SIPA1L3: variants seen among roughly 807,000 people sequenced by gnomAD.
The protein encoded by SIPA1L3 is signal induced proliferation associated 1 like 3.
A neutral mutation model predicts 150.1 loss-of-function variants in SIPA1L3; 59 were observed. The ratio of observed to expected loss-of-function variants is 0.39; its 90% CI spans 0.32 to 0.49. SIPA1L3 has a LOEUF of 0.49. Ranked by LOEUF, SIPA1L3 falls within the 20% of genes least tolerant of loss-of-function variation. SIPA1L3 has a pLI of 0.86. For synonymous variants in SIPA1L3, 1,070 were observed against 1,077.6 expected, an observed-to-expected ratio of 0.99 and a Z score of 0.14; for missense variants, 2,211 against 2,489.5, an observed-to-expected ratio of 0.89 and a Z score of 2.38.
intron 1 of SIPA1L3, among the ~76,000 whole-genome samples, chr19:37,956,357 T>C (rs567470896): frequency 6.6e-6 from 1 of 152,360 alleles, no homozygotes; most frequent in East Asian, 1.9e-4. Flanking sequence ...CTTAATCTTG[T>C]TATTTCATTG....
intron 15 of SIPA1L3, among the ~76,000 whole-genome samples, chr19:38,175,774 G>A (rs1043835759): frequency 2.6e-5 from 4 of 152,210 alleles, no homozygotes; most frequent in African/African-American, 7.2e-5. Flanking sequence ...TAGACCCCAC[G>A]CAAGTTGGCC....
At chr19:38,032,390 G>T (rs183111284) in intron 2 of SIPA1L3, among the ~76,000 whole-genome samples, 1 of 152,102 alleles carries the variant, frequency 6.6e-6, no homozygotes, top group Non-Finnish European at 1.5e-5. Flanking sequence ...AACAGGTTTC[G>T]TTTGTTCATT....
intron 1 of SIPA1L3, among the ~76,000 whole-genome samples, chr19:37,959,711 C>T (rs972845776): frequency 1.3e-5 from 2 of 152,016 alleles, no homozygotes; most frequent in Non-Finnish European, 1.5e-5. Context: ...TTTCTGTATG[C>T]CTCACATCTT....
At chr19:38,003,397 T>A (rs1262670357) in intron 1 of SIPA1L3, among the ~76,000 whole-genome samples, 1 of 152,212 alleles carries the variant, frequency 6.6e-6, no homozygotes, top group African/African-American at 2.4e-5. Context: ...AAGTATAGTT[T>A]AAGTGTCATT....
Position 38,155,818 on chromosome 19 carries a change from C to T in SIPA1L3, c.3661+2851C>T, listed in dbSNP as rs756054530. ...TTCTCTTAAACCAGAGACAGTGTCA[C>T]GCCTATAATCCCAGCATTTTGGGAG... On this transcript the variant is annotated intron_variant, in intron 13 of 21. Coordinates refer to ENST00000222345, the MANE Select transcript of SIPA1L3 (RefSeq NM_015073.3). Among the ~76,000 whole-genome samples the T allele has an allele frequency of 8.7e-4, 132 of 152,266 alleles. 1 individual carries two copies. Among genetic ancestry groups the T allele is most frequent in the Non-Finnish European group, 1.7e-3 (116 of 68,028 alleles).
intron 10 of SIPA1L3, among the ~76,000 whole-genome samples, chr19:38,140,344 TA>T (rs1269484869): frequency 6.6e-6 from 1 of 151,130 alleles, no homozygotes; most frequent in Non-Finnish European, 1.5e-5. Flanking sequence ...CAGCCTGGTC[TA>T]GGGGGAGTCA....
chr19:38,106,017 T>TC (rs1477267042), intron 6 of SIPA1L3, among the ~76,000 whole-genome samples: 1 of 152,198 alleles, frequency 6.6e-6, no homozygotes, highest in Non-Finnish European at 1.5e-5. Flanking sequence ...CTCCACATCC[T>TC]CGCCAACCAT....
intron 2 of SIPA1L3, among the ~76,000 whole-genome samples, chr19:38,059,311 A>AT (rs35717284): frequency 0.51 from 57,869 of 113,918 alleles, 16,033 homozygotes; most frequent in Non-Finnish European, 0.54. Context: ...AACAGCTGAG[A>AT]TTTTTTTTTT....
chr19:38,104,182 CAA>C (rs1970569367), intron 6 of SIPA1L3, among the ~76,000 whole-genome samples: 1 of 152,154 alleles, frequency 6.6e-6, no homozygotes, highest in African/African-American at 2.4e-5. Flanking sequence ...GATCAGGAGA[CAA>C]ATCTTAGAGA....
At chr19:38,120,428 C>T (rs747825337) in intron 9 of SIPA1L3, among the ~76,000 whole-genome samples, 9 of 151,930 alleles carry the variant, frequency 5.9e-5, no homozygotes, top group Non-Finnish European at 1.2e-4. Context: ...GCTGAGATGA[C>T]GCCACTGCAC....
chr19:38,074,368 C>CA (rs1271908909), intron 2 of SIPA1L3, among the ~76,000 whole-genome samples: 2 of 152,238 alleles, frequency 1.3e-5, no homozygotes, highest in Non-Finnish European at 2.9e-5. Flanking sequence ...GAGGTGCTTG[C>CA]ATAAGCAAGT....
chr19:38,186,979 C>T (rs2146033903), intron 16 of SIPA1L3, among the ~76,000 whole-genome samples: 1 of 147,488 alleles, frequency 6.8e-6, no homozygotes, highest in Admixed American at 6.8e-5. Context: ...TACACTCCAG[C>T]CTGGGCAACA....
chr19:37,969,483 T>G (rs900523169), intron 1 of SIPA1L3, among the ~76,000 whole-genome samples: 9 of 151,048 alleles, frequency 6.0e-5, no homozygotes, highest in African/African-American at 2.2e-4. Flanking sequence ...ACCCGGGAGG[T>G]GGAGGTTGCA....
chr19:38,091,782 G>T (rs140940203), intron 4 of SIPA1L3, among the ~76,000 whole-genome samples: 1 of 152,316 alleles, frequency 6.6e-6, no homozygotes, highest in Non-Finnish European at 1.5e-5. Context: ...AATAGGCGGG[G>T]CGTGGAGGCT....
At chr19:37,970,060 C>A (rs1351836837) in intron 1 of SIPA1L3, among the ~76,000 whole-genome samples, 1 of 152,054 alleles carries the variant, frequency 6.6e-6, no homozygotes, top group Non-Finnish European at 1.5e-5. Flanking sequence ...AAACAAAAAA[C>A]CTTTATTAAA....
At chr19:38,102,890 C>T (rs184722830) in intron 6 of SIPA1L3, among the ~76,000 whole-genome samples, 1 of 151,380 alleles carries the variant, frequency 6.6e-6, no homozygotes, top group Non-Finnish European at 1.5e-5. Flanking sequence ...TTTGTGAGGC[C>T]GAGGCGGGTG....
At chr19:38,137,540 A>G (rs773126540) in intron 10 of SIPA1L3, among the ~76,000 whole-genome samples, 12 of 151,142 alleles carry the variant, frequency 7.9e-5, no homozygotes, top group African/African-American at 1.5e-4. Context: ...GGTTCAAGTG[A>G]TCCTCTCGTC....
chr19:38,094,119 C>G (rs1237214304), intron 4 of SIPA1L3, among the ~76,000 whole-genome samples: 1 of 152,054 alleles, frequency 6.6e-6, no homozygotes, highest in Non-Finnish European at 1.5e-5. Flanking sequence ...GTACCAAACG[C>G]TCATTATTAA....
intron 1 of SIPA1L3, among the ~76,000 whole-genome samples, chr19:37,978,993 G>C (rs1309779204): frequency 6.6e-6 from 1 of 151,870 alleles, no homozygotes; most frequent in African/African-American, 2.4e-5. Context: ...CAGAAAAAAA[G>C]GCAGTTTCCC....
Sources: allele counts gnomAD v4.1 joint callset (sites outside exome capture counted in the v4.1 genomes callset), GRCh38; gene constraint gnomAD v4.1.1; transcripts MANE v1.5; gene names NCBI Gene and HGNC (gene_info 2026-07-23, HGNC 2026-07-21).